The following GMEB2 variants were observed in gnomAD, a reference collection of about 807,000 sequenced individuals.
GMEB2 encodes glucocorticoid modulatory element-binding protein 2.
A neutral mutation model predicts 45.7 loss-of-function variants in GMEB2; 7 were observed. The observed-to-expected ratio is 0.15, with a 90% CI of 0.09 to 0.29. GMEB2 has a LOEUF of 0.29. Ranked by LOEUF, GMEB2 falls within the 10% of genes least tolerant of loss-of-function variation. The pLI is 1.00. For missense variants in GMEB2, 582 were observed against 739.2 expected (o/e 0.79, Z 2.47); for synonymous variants, 322 against 323.6 (o/e 1.00, Z 0.05).
intron 2 of GMEB2, among the ~76,000 whole-genome samples, chr20:63,617,852 G>A (rs904916711): frequency 3.3e-5 from 5 of 152,142 alleles, no homozygotes; most frequent in Non-Finnish European, 7.4e-5. Context: ...CTGGGTGGGT[G>A]ACACGAAAGC....
chr20:63,619,445 G>A lies in GMEB2; in HGVS notation c.-48C>T, dbSNP rs2089631258. On this transcript the variant is annotated 5_prime_UTR_variant, in exon 2 of 10. Coordinates refer to ENST00000370077, the MANE Select transcript of GMEB2 (RefSeq NM_012384.5). This position sits in a 1 kb window ranked among gnomAD's most constrained non-coding sequence, Gnocchi z 4.6. Reference sequence around the variant, plus strand: ...AGGCCAGCAGCGTCAGTCCTCCAGGGTCCCAAGTCCTGGAGGAAGCAAGGC... The same window carrying A: ...AGGCCAGCAGCGTCAGTCCTCCAGGATCCCAAGTCCTGGAGGAAGCAAGGC... 3 of 1,589,590 alleles carry A rather than the reference G, an allele frequency of 1.9e-6. 1 individual carries two copies. Among genetic ancestry groups the A allele is most frequent in the Non-Finnish European group, 8.5e-7 (1 of 1,171,318 alleles).
intron 4 of GMEB2, among the ~76,000 whole-genome samples, chr20:63,598,511 C>A (rs752916332): frequency 1.3e-5 from 2 of 152,214 alleles, no homozygotes; most frequent in African/African-American, 2.4e-5. Flanking sequence ...TGGAATAAAA[C>A]TGCATTTACT....
rs777364086 is a variant in GMEB2 at position 63,619,715 on chromosome 20, G to A, written c.-57-261C>T. On this transcript the variant is annotated intron_variant, in intron 1 of 9. Coordinates refer to ENST00000370077, the MANE Select transcript of GMEB2 (RefSeq NM_012384.5). The surrounding 1 kb of genome is among the most constrained non-coding windows in gnomAD (Gnocchi z 4.6). Reference sequence around the variant, plus strand: ...CACAGAGCCACTCCCTCCACGTGGGGCTCAGAGCAGGAGGACAGGAGGGGC... The same window carrying A: ...CACAGAGCCACTCCCTCCACGTGGGACTCAGAGCAGGAGGACAGGAGGGGC... 1 of 196,918 alleles carries A rather than the reference G, an allele frequency of 5.1e-6. No homozygotes were observed. The highest frequency in any genetic ancestry group is 2.3e-5 in the African/African-American group (1 of 42,758). The allele number at this position is 196,918 out of a possible 1,614,324, so 12.2% of individuals were successfully genotyped here. A position where few individuals can be genotyped will look rare whatever the true frequency, so the allele number is the denominator to read the frequency against.
chr20:63,619,593 C>T lies in GMEB2; in HGVS notation c.-57-139G>A. The T allele has an allele frequency of 2.0e-6, 1 of 497,858 alleles. No homozygotes were observed. Among genetic ancestry groups the T allele is most frequent in the Non-Finnish European group, 3.6e-6 (1 of 280,880 alleles). 30.8% of individuals were successfully genotyped at this position (497,858 alleles called of 1,614,324 possible). ...GCTACCTCCTGACAAAAACGAGCGG[C>T]AACAGAAGGGCTACTCCAGGCTCTG... On this transcript the variant is annotated intron_variant, in intron 1 of 9. Coordinates refer to ENST00000370077, the MANE Select transcript of GMEB2 (RefSeq NM_012384.5). The surrounding 1 kb of genome is among the most constrained non-coding windows in gnomAD (Gnocchi z 4.6).
intron 4 of GMEB2, among the ~76,000 whole-genome samples, chr20:63,600,300 C>T (rs570889573): frequency 1.3e-3 from 201 of 152,016 alleles, no homozygotes; most frequent in African/African-American, 4.4e-3. Context: ...CCGCCTCGGC[C>T]TCCCAAAGTG....
intron 4 of GMEB2, among the ~76,000 whole-genome samples, chr20:63,598,139 G>C (rs1301154853): frequency 2.6e-5 from 4 of 152,202 alleles, no homozygotes; most frequent in African/African-American, 9.7e-5. Context: ...CCAGGTAGAA[G>C]GTGTGTGGCC....
chr20:63,621,787 G>A (rs904560578), intron 1 of GMEB2, among the ~76,000 whole-genome samples: 8 of 148,614 alleles, frequency 5.4e-5, no homozygotes, highest in African/African-American at 2.0e-4. Context: ...ATTAGGATTA[G>A]ATATAGACTA....
At chr20:63,604,103 C>A (rs1006167922) in intron 3 of GMEB2, among the ~76,000 whole-genome samples, 2 of 143,408 alleles carry the variant, frequency 1.4e-5, no homozygotes, top group Admixed American at 1.4e-4. Context: ...CAGTGGCTCA[C>A]ACCTGTAATC....
chr20:63,617,647 G>C (rs112951121), intron 2 of GMEB2, among the ~76,000 whole-genome samples: 2 of 151,916 alleles, frequency 1.3e-5, no homozygotes, highest in African/African-American at 4.8e-5. Flanking sequence ...ACACCATCCC[G>C]GCAGCCGCGG....
rs1250681903 is a variant in GMEB2, at chr20:63,593,959, G to A, written c.620-877C>T. On this transcript the variant is annotated intron_variant, in intron 6 of 9. Coordinates refer to ENST00000370077, the MANE Select transcript of GMEB2 (RefSeq NM_012384.5). This position sits in a 1 kb window ranked among gnomAD's most constrained non-coding sequence, Gnocchi z 4.7. ...CGCTAGAACCCGGAAGGCAGAGGTT[G>A]CAGTGAGCCGAGATCAGGCCCCTGC... Among the ~76,000 whole-genome samples, 1 of 152,272 alleles carries A rather than the reference G, an allele frequency of 6.6e-6. No individual in the cohort carries two copies. Among genetic ancestry groups the A allele is most frequent in the Non-Finnish European group, 1.5e-5 (1 of 68,054 alleles).
intron 1 of GMEB2, among the ~76,000 whole-genome samples, chr20:63,620,268 T>TA (rs1354102578): frequency 6.6e-6 from 1 of 152,138 alleles, no homozygotes; most frequent in Non-Finnish European, 1.5e-5. Context: ...CAACCCCTGC[T>TA]AAAACCCAGT....
In GMEB2 at chr20:63,595,695, T is replaced by A; in HGVS notation, c.534A>T (p.Thr178=). The change falls in exon 6 of 10, where the codon ACA becomes ACT. Residue 178 remains threonine (T), a synonymous_variant. Transcript: ENST00000370077. ...CACGGGCTCCTGAGAGGTCAATCTT[T>A]GTGCTGCGGCAGGTGTTGGAGCAGA... ...DKVCSNTCRS[T]KIDLSGARVS... The A allele has an allele frequency of 6.2e-7, 1 of 1,613,922 alleles. No homozygotes were observed. Among genetic ancestry groups the A allele is most frequent in the Non-Finnish European group, 8.5e-7 (1 of 1,179,804 alleles).
rs1464364169 is a variant in GMEB2 at position 63,593,431 on chromosome 20, T to A, written c.620-349A>T. On this transcript the variant is annotated intron_variant, in intron 6 of 9. Coordinates refer to ENST00000370077, the MANE Select transcript of GMEB2 (RefSeq NM_012384.5). The surrounding 1 kb of genome is among the most constrained non-coding windows in gnomAD (Gnocchi z 4.7). ...GACCGTCAGGAGCGAGACAAGGTGA[T>A]CCTTCTGCTTGACTTGTTTTCCCAC... 6.6e-6 allele frequency among the ~76,000 whole-genome samples: 1 copy of A among 151,882 alleles called. No homozygotes were observed. The highest frequency in any genetic ancestry group is 1.5e-5 in the Non-Finnish European group (1 of 67,976).
chr20:63,597,164 GT>G lies in GMEB2; in HGVS notation c.461+592del, dbSNP rs10627120. Among the ~76,000 whole-genome samples, 714 of 132,600 alleles carry G rather than the reference GT, an allele frequency of 5.4e-3. 4 individuals carry two copies. Among genetic ancestry groups the G allele is most frequent in the African/African-American group, 0.019 (665 of 35,636 alleles). The allele number at this position is 132,600 out of a possible 152,430, so 87.0% of individuals were successfully genotyped here. On this transcript the variant is annotated intron_variant, in intron 5 of 9. Transcript: ENST00000370077. Reference sequence around the variant, plus strand: ...CCCTTTTCTTTTCCTTTTTATTCTTGTTTTTTTTTTTTTTTGAGACAGAGTC... The same window carrying G: ...CCCTTTTCTTTTCCTTTTTATTCTTGTTTTTTTTTTTTTTGAGACAGAGTC...
intron 4 of GMEB2, among the ~76,000 whole-genome samples, chr20:63,600,862 C>T (rs1307959502): frequency 2.6e-5 from 4 of 151,990 alleles, no homozygotes; most frequent in Non-Finnish European, 5.9e-5. Flanking sequence ...TGAGTAGAGT[C>T]AGGCTATGAA....
At position 63,595,621 on chromosome 20, in the gene GMEB2, G is replaced by A. The variant is rs2083190401; in HGVS notation, c.608C>T (p.Ala203Val). ...CCCTGTGCACCTACCGTCGGCTGCG[G>A]CGGGCGTGAGGGGAATGTACTCGGC... is the stretch of plus-strand genomic sequence containing the variant. ...TSAEYIPLTP[A>V]AADVNGSPAT... Residue 203 changes from alanine to valine, a missense_variant, in exon 6 of 10, where the codon GCC becomes GTC. Physicochemically the swap from Ala to Val is moderately conservative, Grantham distance 64. Coordinates refer to ENST00000370077, the MANE Select transcript of GMEB2 (RefSeq NM_012384.5). 1 of 1,609,186 alleles carries A rather than the reference G, an allele frequency of 6.2e-7. No individual in the cohort carries two copies. The highest frequency in any genetic ancestry group is 1.7e-5 in the Admixed American group (1 of 59,374).
chr20:63,594,633 T>C (rs1454078705), intron 6 of GMEB2, among the ~76,000 whole-genome samples: 1 of 152,178 alleles, frequency 6.6e-6, no homozygotes, highest in Non-Finnish European at 1.5e-5. Context: ...GAACACAATC[T>C]GGCCAGCAAT....
intron 4 of GMEB2, 54 bp downstream of exon 4, chr20:63,602,911 G>A: frequency 6.4e-7 from 1 of 1,558,902 alleles, no homozygotes; most frequent in South Asian, 1.1e-5. Context: ...CCCCAAAGCA[G>A]TCACAGACAC....
chr20:63,611,908 G>C (rs1373582854), intron 2 of GMEB2, among the ~76,000 whole-genome samples: 3 of 151,988 alleles, frequency 2.0e-5, no homozygotes, highest in Non-Finnish European at 4.4e-5. Context: ...TCTACACGGG[G>C]CCGGGCATGG....
Sources: gnomAD v4.1 joint callset for allele counts (sites outside exome capture counted in the v4.1 genomes callset) on GRCh38, gnomAD v4.1.1 for gene constraint, Gnocchi (gnomAD v3.1) non-coding constraint, MANE v1.5 for transcripts, NCBI Gene and HGNC (gene_info 2026-07-23, HGNC 2026-07-21) for gene names.